Variants in PTPRK observed in about 807,000 individuals in gnomAD.
PTPRK encodes the protein receptor-type tyrosine-protein phosphatase kappa.
In PTPRK, 75 loss-of-function variants were observed where a neutral mutation model predicts 178.0. That is an observed-to-expected ratio of 0.42 (90% CI 0.35 to 0.51). PTPRK has a LOEUF of 0.51. Ranked by LOEUF, PTPRK falls within the 20% of genes least tolerant of loss-of-function variation. The pLI, the probability that PTPRK is intolerant of heterozygous loss-of-function variation, is 0.02. For missense variants in PTPRK, 1,441 were observed against 1,797.8 expected (o/e 0.80, Z 3.59); for synonymous variants, 637 against 620.6 (o/e 1.03, Z -0.39).
chr6:128,070,326 CA>C (rs1782596697), intron 11 of PTPRK, among the ~76,000 whole-genome samples: 1 of 151,980 alleles, frequency 6.6e-6, no homozygotes. Flanking sequence ...CCCCCTCCCC[CA>C]AAATTCATGT....
At chr6:128,103,553 G>T (rs1457555112) in intron 7 of PTPRK, among the ~76,000 whole-genome samples, 1 of 152,096 alleles carries the variant, frequency 6.6e-6, no homozygotes, top group Non-Finnish European at 1.5e-5. Flanking sequence ...TCCCCCTCCT[G>T]TAAGGGGTTT....
chr6:128,217,429 G>A (rs777187313), intron 6 of PTPRK, among the ~76,000 whole-genome samples: 6 of 152,112 alleles, frequency 3.9e-5, no homozygotes, highest in African/African-American at 1.4e-4. Flanking sequence ...ATGGTAATGC[G>A]AGGGAAAACT....
intron 3 of PTPRK, among the ~76,000 whole-genome samples, chr6:128,316,146 G>A (rs887157593): frequency 6.6e-6 from 1 of 152,162 alleles, no homozygotes; most frequent in Non-Finnish European, 1.5e-5. Context: ...ATCAATGTAC[G>A]CTAAATAATT....
intron 7 of PTPRK, among the ~76,000 whole-genome samples, chr6:128,113,442 A>G (rs1790994170): frequency 6.6e-6 from 1 of 150,726 alleles, no homozygotes; most frequent in South Asian, 2.1e-4. Flanking sequence ...CAGGTTCTGC[A>G]TCTACAGATT....
intron 1 of PTPRK, among the ~76,000 whole-genome samples, chr6:128,427,720 T>A (rs1279478775): frequency 6.6e-6 from 1 of 152,170 alleles, no homozygotes; most frequent in East Asian, 1.9e-4. Flanking sequence ...AAGTAGTCCC[T>A]TCTCCTGAAG....
chr6:128,440,451 AT>A (rs1846135659), intron 1 of PTPRK, among the ~76,000 whole-genome samples: 1 of 152,224 alleles, frequency 6.6e-6, no homozygotes, highest in Non-Finnish European at 1.5e-5. Flanking sequence ...CTAAAGTATG[AT>A]TTTTAAATCT....
chr6:128,354,432 T>A (rs985165234), intron 2 of PTPRK, among the ~76,000 whole-genome samples: 4 of 151,874 alleles, frequency 2.6e-5, no homozygotes, highest in African/African-American at 9.7e-5. Context: ...AGACGGGGTT[T>A]CACCGTGTTA....
chr6:128,240,406 A>G (rs183264733), intron 4 of PTPRK, among the ~76,000 whole-genome samples: 2 of 152,296 alleles, frequency 1.3e-5, no homozygotes, highest in South Asian at 2.1e-4. Flanking sequence ...CAGAGTGAGC[A>G]CTCAACAATT....
intron 1 of PTPRK, among the ~76,000 whole-genome samples, chr6:128,473,656 G>A (rs1444536530): frequency 6.6e-6 from 1 of 151,714 alleles, no homozygotes; most frequent in Non-Finnish European, 1.5e-5. Flanking sequence ...ATTTTTCAAG[G>A]ATGCTTTTGA....
chr6:128,105,604 T>C (rs760765346), intron 7 of PTPRK, among the ~76,000 whole-genome samples: 31 of 152,210 alleles, frequency 2.0e-4, no homozygotes, highest in Non-Finnish European at 4.0e-4. Flanking sequence ...AATCAATGGA[T>C]GTTACTTTCA....
chr6:128,411,412 A>C (rs1290327458), intron 1 of PTPRK, among the ~76,000 whole-genome samples: 1 of 152,194 alleles, frequency 6.6e-6, no homozygotes, highest in Non-Finnish European at 1.5e-5. Context: ...CACACAGAAA[A>C]CAGAAACATC....
intron 3 of PTPRK, among the ~76,000 whole-genome samples, chr6:128,268,560 G>T (rs1819305015): frequency 6.6e-6 from 1 of 151,912 alleles, no homozygotes; most frequent in African/African-American, 2.4e-5. Flanking sequence ...ATGTAAAATG[G>T]TTTACTTATA....
At chr6:128,141,065 T>G (rs1386954497) in intron 7 of PTPRK, among the ~76,000 whole-genome samples, 1 of 152,000 alleles carries the variant, frequency 6.6e-6, no homozygotes, top group Non-Finnish European at 1.5e-5. Context: ...AAACACAACT[T>G]GATTTCTTCA....
intron 6 of PTPRK, among the ~76,000 whole-genome samples, chr6:128,200,142 A>T (rs1805651116): frequency 6.6e-6 from 1 of 152,168 alleles, no homozygotes. Context: ...CTATTATGAG[A>T]ATATATTTCT....
At chr6:128,491,467 A>T (rs943918007) in intron 1 of PTPRK, among the ~76,000 whole-genome samples, 2 of 152,236 alleles carry the variant, frequency 1.3e-5, no homozygotes, top group African/African-American at 4.8e-5. Context: ...TTATGTGCTG[A>T]TAAAGAATGC....
At chr6:128,071,324 G>A (rs61201860) in intron 11 of PTPRK, among the ~76,000 whole-genome samples, 10,013 of 151,804 alleles carry the variant, frequency 0.066, 1,181 homozygotes, top group African/African-American at 0.23. Context: ...AAAGTGACTG[G>A]GACAGCTACC....
At chr6:127,985,952 T>C in intron 21 of PTPRK, 77 bp from the exon 22 acceptor site, 1 of 1,388,438 alleles carries the variant, frequency 7.2e-7, no homozygotes, top group Non-Finnish European at 9.8e-7. Flanking sequence ...CAATTATGGG[T>C]ACAGACCCAA....
intron 13 of PTPRK, among the ~76,000 whole-genome samples, chr6:128,029,684 A>ATC (rs1562463009): frequency 2.4e-4 from 35 of 143,418 alleles, no homozygotes; most frequent in Admixed American, 7.2e-4. Context: ...TAATAATAAT[A>ATC]ATAATCCAGC....
chr6:128,493,147 C>T (rs1348205290), intron 1 of PTPRK, among the ~76,000 whole-genome samples: 2 of 152,206 alleles, frequency 1.3e-5, no homozygotes, highest in African/African-American at 4.8e-5. Context: ...AGCCAGCATT[C>T]ACCTCCTTTA....
Sources: allele counts gnomAD v4.1 joint callset (sites outside exome capture counted in the v4.1 genomes callset), GRCh38; gene constraint gnomAD v4.1.1; transcripts MANE v1.5; gene names NCBI Gene and HGNC (gene_info 2026-07-23, HGNC 2026-07-21).